OXR1: variants seen among roughly 807,000 people sequenced by gnomAD.
OXR1 encodes the protein oxidation resistance protein 1.
Under a neutral mutation model 104.6 loss-of-function variants are expected in OXR1, and 41 were observed. The observed-to-expected ratio is 0.39, with a 90% CI of 0.31 to 0.51. OXR1 has a LOEUF of 0.51. Ranked by LOEUF, OXR1 falls within the 20% of genes least tolerant of loss-of-function variation. The pLI, the probability that OXR1 is intolerant of heterozygous loss-of-function variation, is 0.77. For synonymous variants in OXR1, 348 were observed against 348.4 expected (o/e 1.00, Z 0.01); for missense variants, 955 against 1,031.9 (o/e 0.93, Z 1.02).
intron 3 of OXR1, among the ~76,000 whole-genome samples, chr8:106,630,791 G>A (rs1281082111): frequency 6.6e-6 from 1 of 152,132 alleles, no homozygotes; most frequent in African/African-American, 2.4e-5. Flanking sequence ...TATTTTTAAT[G>A]TATAGAGTTA....
chr8:106,545,745 C>G (rs758709962), intron 3 of OXR1, among the ~76,000 whole-genome samples: 105 of 152,260 alleles, frequency 6.9e-4, no homozygotes, highest in Non-Finnish European at 1.3e-3. Flanking sequence ...TAACTGTAAT[C>G]CCAGCACTTT....
intron 2 of OXR1, among the ~76,000 whole-genome samples, chr8:106,409,188 T>C (rs967535820): frequency 6.6e-6 from 1 of 152,108 alleles, no homozygotes; most frequent in South Asian, 2.1e-4. Context: ...CTAAGGAAAA[T>C]AGCAGTCACA....
In OXR1 at chr8:106,456,312, G is replaced by A. The variant is rs140843665; in HGVS notation, c.24-62631G>A. 4.8e-4 allele frequency among the ~76,000 whole-genome samples: 73 copies of A among 152,166 alleles called. No individual in the cohort carries two copies. The East Asian group carries it at 8.3e-3, about 17-fold the overall frequency. ...AATTCATTCATTGAGTCATATGACCGTCTCATAGTGTTGTTGTTTCCTGAA... is the reference window on the plus strand; with the variant it reads ...AATTCATTCATTGAGTCATATGACCATCTCATAGTGTTGTTGTTTCCTGAA... On this transcript the variant is annotated intron_variant, in intron 2 of 16. Coordinates refer to ENST00000517566, the MANE Select transcript of OXR1 (RefSeq NM_001198533.2).
chr8:106,563,466 A>G (rs1032285717), intron 3 of OXR1, among the ~76,000 whole-genome samples: 5 of 152,194 alleles, frequency 3.3e-5, no homozygotes, highest in African/African-American at 7.2e-5. Flanking sequence ...TGCACCCAAT[A>G]CAAGAGCACC....
chr8:106,325,737 C>T (rs981095402), intron 1 of OXR1, among the ~76,000 whole-genome samples: 2 of 152,120 alleles, frequency 1.3e-5, no homozygotes, highest in African/African-American at 2.4e-5. Context: ...TAGGAATATA[C>T]CCATAAAGAG....
At chr8:106,449,516 C>A (rs1300870099) in intron 2 of OXR1, among the ~76,000 whole-genome samples, 1 of 152,102 alleles carries the variant, frequency 6.6e-6, no homozygotes, top group African/African-American at 2.4e-5. Context: ...ACCACTCCTG[C>A]AAAGTTTGTA....
At chr8:106,302,901 G>A (rs1359483492) in intron 1 of OXR1, among the ~76,000 whole-genome samples, 2 of 151,336 alleles carry the variant, frequency 1.3e-5, no homozygotes, top group Non-Finnish European at 1.5e-5. Context: ...ACAGGCGCCC[G>A]CCACCAGGCC....
chr8:106,639,855 T>C (rs933412239), intron 3 of OXR1, among the ~76,000 whole-genome samples: 1 of 152,154 alleles, frequency 6.6e-6, no homozygotes, highest in African/African-American at 2.4e-5. Flanking sequence ...TAAGGTCATG[T>C]TAATGTAGAC....
In OXR1 at chr8:106,706,420, CA is replaced by C; in HGVS notation, c.902del (p.Lys301ArgfsTer3). On this transcript the variant is annotated frameshift_variant, in exon 9 of 17. Coordinates refer to ENST00000517566, the MANE Select transcript of OXR1 (RefSeq NM_001198533.2). LOFTEE classifies it high-confidence loss of function. Reference sequence around the variant, plus strand: ...CTATCAGGAAGGGACTTCTGCCATTCAAAGAAAATGACAGGAAGTAACACTG... The same window carrying C: ...CTATCAGGAAGGGACTTCTGCCATTCAAGAAAATGACAGGAAGTAACACTG... ...DQLSGRDFCH[S>X]KKMTGSNTEE... 1 of 1,585,582 alleles carries C rather than the reference CA, an allele frequency of 6.3e-7. No homozygotes were observed. Among genetic ancestry groups the C allele is most frequent in the Non-Finnish European group, 8.5e-7 (1 of 1,171,690 alleles).
chr8:106,645,735 G>A (rs539802848), intron 3 of OXR1, among the ~76,000 whole-genome samples: 1 of 152,266 alleles, frequency 6.6e-6, no homozygotes, highest in Admixed American at 6.5e-5. Context: ...GAGGTGGGGA[G>A]TTAGGGAACT....
chr8:106,386,571 A>G (rs1241269388), intron 2 of OXR1, among the ~76,000 whole-genome samples: 1 of 152,182 alleles, frequency 6.6e-6, no homozygotes, highest in African/African-American at 2.4e-5. Flanking sequence ...AATTCTGGAA[A>G]AGCAATAATG....
intron 3 of OXR1, among the ~76,000 whole-genome samples, chr8:106,530,945 A>G (rs1814050780): frequency 6.6e-6 from 1 of 152,360 alleles, no homozygotes; most frequent in East Asian, 1.9e-4. Context: ...AATATGTACT[A>G]AGAGAAATTA....
At chr8:106,700,199 C>T (rs1268753602) in intron 7 of OXR1, among the ~76,000 whole-genome samples, 1 of 152,072 alleles carries the variant, frequency 6.6e-6, no homozygotes, top group South Asian at 2.1e-4. Flanking sequence ...TAATTGAAAA[C>T]GTCTTGCTCA....
At chr8:106,336,538 A>T (rs1814973364) in intron 1 of OXR1, among the ~76,000 whole-genome samples, 1 of 152,230 alleles carries the variant, frequency 6.6e-6, no homozygotes, top group Admixed American at 6.5e-5. Context: ...TCACATTTCA[A>T]ATATAGACTT....
At chr8:106,385,986 G>C (rs1303953474) in intron 2 of OXR1, among the ~76,000 whole-genome samples, 1 of 152,168 alleles carries the variant, frequency 6.6e-6, no homozygotes, top group Non-Finnish European at 1.5e-5. Context: ...GTGTGAAAAT[G>C]AGGTACGGGC....
chr8:106,439,823 G>A (rs1819715195), intron 2 of OXR1, among the ~76,000 whole-genome samples: 1 of 152,054 alleles, frequency 6.6e-6, no homozygotes, highest in Non-Finnish European at 1.5e-5. Context: ...TGAGAAACCC[G>A]ATATAAATAC....
intron 1 of OXR1, among the ~76,000 whole-genome samples, chr8:106,320,418 G>T (rs993327280): frequency 6.6e-6 from 1 of 152,086 alleles, no homozygotes; most frequent in South Asian, 2.1e-4. Flanking sequence ...GGGTGGAGGG[G>T]GAATCGTTGT....
intron 2 of OXR1, among the ~76,000 whole-genome samples, chr8:106,391,199 C>T (rs1817575186): frequency 6.6e-6 from 1 of 152,078 alleles, no homozygotes; most frequent in South Asian, 2.1e-4. Context: ...CATGAGGATT[C>T]ATTAGGTTAT....
chr8:106,449,444 A>G (rs980874536), intron 2 of OXR1, among the ~76,000 whole-genome samples: 5 of 152,180 alleles, frequency 3.3e-5, no homozygotes, highest in African/African-American at 1.2e-4. Context: ...AGCCAAAGTT[A>G]TTGTTGAATG....
Sources: gnomAD v4.1 joint callset for allele counts (sites outside exome capture counted in the v4.1 genomes callset) on GRCh38, gnomAD v4.1.1 for gene constraint, MANE v1.5 for transcripts, NCBI Gene and HGNC (gene_info 2026-07-23, HGNC 2026-07-21) for gene names.